KCND2: variants seen among roughly 807,000 people sequenced by gnomAD.
KCND2 encodes the protein A-type voltage-gated potassium channel KCND2.
A neutral mutation model predicts 54.4 loss-of-function variants in KCND2; 16 were observed. The ratio of observed to expected loss-of-function variants is 0.29; its 90% CI spans 0.20 to 0.45. The LOEUF (loss-of-function observed/expected upper bound fraction) is 0.45, where lower values mean the gene tolerates loss of function less well. Ranked by LOEUF, KCND2 falls within the 20% of genes least tolerant of loss-of-function variation. The pLI is 1.00. For synonymous variants in KCND2, 317 were observed against 310.7 expected (o/e 1.02, Z -0.21); for missense variants, 486 against 824.2 (o/e 0.59, Z 5.02).
chr7:120,523,870 G>A (rs1452991985), intron 1 of KCND2, among the ~76,000 whole-genome samples: 1 of 151,262 alleles, frequency 6.6e-6, no homozygotes, highest in African/African-American at 2.4e-5. Context: ...AGTATAGAAT[G>A]TTCAAGAAAA....
intron 1 of KCND2, among the ~76,000 whole-genome samples, chr7:120,408,415 A>G (rs750071498): frequency 1.3e-4 from 20 of 151,930 alleles, no homozygotes; most frequent in Admixed American, 5.3e-4. Flanking sequence ...CTAGAGGTAA[A>G]GATTGGTAAG....
intron 1 of KCND2, among the ~76,000 whole-genome samples, chr7:120,352,286 A>T (rs1428092351): frequency 6.6e-6 from 1 of 151,896 alleles, no homozygotes; most frequent in Non-Finnish European, 1.5e-5. Flanking sequence ...TATATCAAAG[A>T]TTTCTTTTAA....
intron 1 of KCND2, among the ~76,000 whole-genome samples, chr7:120,489,022 G>T (rs1423007486): frequency 2.6e-5 from 4 of 152,002 alleles, no homozygotes; most frequent in African/African-American, 9.7e-5. Context: ...CAAGCATCAC[G>T]ATTAGAATTA....
At chr7:120,298,462 A>G (rs1272723440) in intron 1 of KCND2, among the ~76,000 whole-genome samples, 15 of 152,156 alleles carry the variant, frequency 9.9e-5, no homozygotes, top group Non-Finnish European at 1.5e-4. Context: ...TTGGTGATTG[A>G]TGTGTTCATG....
chr7:120,419,360 G>T (rs777347976), intron 1 of KCND2, among the ~76,000 whole-genome samples: 16 of 152,062 alleles, frequency 1.1e-4, no homozygotes, highest in Admixed American at 2.0e-4. Flanking sequence ...AAAACTAAAA[G>T]AATTGGTCAA....
chr7:120,297,742 T>G (rs1209567307), intron 1 of KCND2, among the ~76,000 whole-genome samples: 1 of 152,180 alleles, frequency 6.6e-6, no homozygotes. Context: ...GGCTGTGATT[T>G]CTCATGAATT....
At chr7:120,530,839 A>G (rs1791834861) in intron 1 of KCND2, among the ~76,000 whole-genome samples, 1 of 151,928 alleles carries the variant, frequency 6.6e-6, no homozygotes, top group African/African-American at 2.4e-5. Context: ...TATTATTATT[A>G]TTGTTATTAT....
intron 1 of KCND2, among the ~76,000 whole-genome samples, chr7:120,699,296 T>G (rs1181326570): frequency 1.3e-5 from 2 of 149,286 alleles, no homozygotes; most frequent in African/African-American, 5.0e-5. Flanking sequence ...AAAAAAAAAG[T>G]TATTAAATCA....
At chr7:120,453,050 C>T (rs146874650) in intron 1 of KCND2, among the ~76,000 whole-genome samples, 1 of 152,284 alleles carries the variant, frequency 6.6e-6, no homozygotes, top group East Asian at 1.9e-4. Flanking sequence ...TTGGAGAGCT[C>T]CAGTAGACCA....
chr7:120,523,704 CTGTGTGTGTGTGTGTGTG>C lies in KCND2; in HGVS notation c.1116-209173_1116-209156del, dbSNP rs199762798. 3.1e-3 allele frequency among the ~76,000 whole-genome samples: 423 copies of C among 137,224 alleles called. 3 individuals carry two copies. Among genetic ancestry groups the C allele is most frequent in the Admixed American group, 6.0e-3 (82 of 13,760 alleles). The allele number at this position is 137,224 out of a possible 152,430, so 90.0% of individuals were successfully genotyped here. On this transcript the variant is annotated intron_variant, in intron 1 of 5. Transcript: ENST00000331113. ...ACACAGATATACACACACACACACT[CTGTGTGTGTGTGTGTGTG>C]TGTGTGTGTGTGTGTGTGTGTGTGT...
At chr7:120,298,201 A>G (rs1211295119) in intron 1 of KCND2, among the ~76,000 whole-genome samples, 1 of 152,198 alleles carries the variant, frequency 6.6e-6, no homozygotes, top group Non-Finnish European at 1.5e-5. Flanking sequence ...ACAGACATAC[A>G]CATCAAAAAA....
intron 1 of KCND2, among the ~76,000 whole-genome samples, chr7:120,312,385 T>A (rs569964263): frequency 6.6e-6 from 1 of 152,060 alleles, no homozygotes; most frequent in Non-Finnish European, 1.5e-5. Context: ...AGATTTATAT[T>A]CCTTTGAGTA....
At chr7:120,678,057 T>C (rs1373567967) in intron 1 of KCND2, among the ~76,000 whole-genome samples, 1 of 151,946 alleles carries the variant, frequency 6.6e-6, no homozygotes, top group Non-Finnish European at 1.5e-5. Context: ...CTTTTATGAA[T>C]TGAGACCAAG....
intron 1 of KCND2, among the ~76,000 whole-genome samples, chr7:120,490,369 C>G (rs1000652760): frequency 6.6e-6 from 1 of 151,998 alleles, no homozygotes; most frequent in African/African-American, 2.4e-5. Context: ...TTTTGTGATC[C>G]CAGTAGTTAT....
At position 120,343,205 on chromosome 7, in the gene KCND2, G is replaced by A. The variant is rs541105560; in HGVS notation, c.1115+67458G>A. ...TTGTGGGCCATCCAGATGCAAAGAG[G>A]CTGGGAAATGCAGTCTAAATATGGG... On this transcript the variant is annotated intron_variant, in intron 1 of 5. Transcript: ENST00000331113. 3.9e-5 allele frequency among the ~76,000 whole-genome samples: 6 copies of A among 152,268 alleles called. No individual in the cohort carries two copies. In the East Asian group the frequency reaches 9.6e-4, roughly 24 times the overall value.
At chr7:120,699,291 A>G (rs1043893743) in intron 1 of KCND2, among the ~76,000 whole-genome samples, 1 of 151,944 alleles carries the variant, frequency 6.6e-6, no homozygotes, top group African/African-American at 2.4e-5. Flanking sequence ...CAAAAAAAAA[A>G]AAAGTTATTA....
chr7:120,734,028 T>C (rs2116150653), intron 2 of KCND2, among the ~76,000 whole-genome samples: 1 of 152,196 alleles, frequency 6.6e-6, no homozygotes, highest in South Asian at 2.1e-4. Flanking sequence ...AACTCATGAA[T>C]TGGGCAGCCT....
intron 1 of KCND2, among the ~76,000 whole-genome samples, chr7:120,553,691 G>A (rs1013555980): frequency 6.6e-6 from 1 of 152,142 alleles, no homozygotes; most frequent in African/African-American, 2.4e-5. Flanking sequence ...ATGATTGTAG[G>A]TCATCCTGTG....
At chr7:120,676,720 C>T (rs1792065217) in intron 1 of KCND2, among the ~76,000 whole-genome samples, 1 of 152,180 alleles carries the variant, frequency 6.6e-6, no homozygotes, top group African/African-American at 2.4e-5. Flanking sequence ...TACTGTACAT[C>T]TATTTGCCAT....
Sources: gnomAD v4.1 joint callset for allele counts (sites outside exome capture counted in the v4.1 genomes callset) on GRCh38, gnomAD v4.1.1 for gene constraint, MANE v1.5 for transcripts, NCBI Gene and HGNC (gene_info 2026-07-23, HGNC 2026-07-21) for gene names.